Variants in RBFOX1 observed in about 807,000 individuals in gnomAD.
The protein encoded by RBFOX1 is RNA binding protein fox-1 homolog 1.
A neutral mutation model predicts 57.7 loss-of-function variants in RBFOX1; 8 were observed. The observed-to-expected ratio is 0.14, with a 90% CI of 0.08 to 0.25. The LOEUF is 0.25. Ranked by LOEUF, RBFOX1 falls within the 10% of genes least tolerant of loss-of-function variation. The pLI, the probability that RBFOX1 is intolerant of heterozygous loss-of-function variation, is 1.00. For missense variants in RBFOX1, 611 were observed against 548.5 expected (o/e 1.11, Z -1.14); for synonymous variants, 326 against 222.4 (o/e 1.47, Z -4.15).
chr16:6,467,334 G>T (rs1197298814), intron 2 of RBFOX1, among the ~76,000 whole-genome samples: 6 of 151,862 alleles, frequency 4.0e-5, no homozygotes, highest in Non-Finnish European at 8.8e-5. Flanking sequence ...TACATACAGT[G>T]TTGTAACAAC....
chr16:6,995,760 T>TA (rs1281759985), intron 3 of RBFOX1, among the ~76,000 whole-genome samples: 1 of 151,818 alleles, frequency 6.6e-6, no homozygotes, highest in Non-Finnish European at 1.5e-5. Context: ...GACTCCATCT[T>TA]AAAAAAATAA....
At chr16:6,538,162 T>C (rs1224414136) in intron 2 of RBFOX1, among the ~76,000 whole-genome samples, 1 of 152,116 alleles carries the variant, frequency 6.6e-6, no homozygotes, top group African/African-American at 2.4e-5. Context: ...CCAATAAGCA[T>C]GTGGAAATAT....
intron 1 of RBFOX1, among the ~76,000 whole-genome samples, chr16:5,447,389 T>TCTCC (rs2068279810): frequency 6.6e-6 from 1 of 151,198 alleles, no homozygotes; most frequent in African/African-American, 2.4e-5. Context: ...TCTCTCTCTC[T>TCTCC]CTCTCTCTCT....
At chr16:5,748,040 C>T (rs1179080722) in intron 3 of RBFOX1, among the ~76,000 whole-genome samples, 2 of 152,188 alleles carry the variant, frequency 1.3e-5, no homozygotes, top group East Asian at 3.8e-4. Flanking sequence ...CTACACACTG[C>T]TTTAAATGTG....
chr16:6,094,780 G>A (rs1280075833), intron 1 of RBFOX1, among the ~76,000 whole-genome samples: 3 of 152,142 alleles, frequency 2.0e-5, no homozygotes, highest in African/African-American at 7.2e-5. Context: ...ACCTATAGGA[G>A]GGGCTGGCCA....
At chr16:7,105,807 T>A (rs1389913307) in intron 4 of RBFOX1, among the ~76,000 whole-genome samples, 1 of 151,910 alleles carries the variant, frequency 6.6e-6, no homozygotes, top group Non-Finnish European at 1.5e-5. Context: ...GATAGAGATA[T>A]CACAGGTTCT....
intron 2 of RBFOX1, among the ~76,000 whole-genome samples, chr16:6,544,863 G>A (rs997959265): frequency 2.0e-5 from 3 of 152,144 alleles, no homozygotes; most frequent in African/African-American, 7.2e-5. Flanking sequence ...GATCCAAGTT[G>A]GAATCCGTTA....
chr16:6,497,556 G>GTTTT (rs112257418), intron 2 of RBFOX1, among the ~76,000 whole-genome samples: 11 of 64,652 alleles, frequency 1.7e-4, no homozygotes, highest in Admixed American at 4.4e-4. Flanking sequence ...GATTTTTGAA[G>GTTTT]TTTTTAAAAA....
intron 3 of RBFOX1, among the ~76,000 whole-genome samples, chr16:7,023,590 A>AAAAAG (rs2039979091): frequency 6.7e-6 from 1 of 150,338 alleles, no homozygotes; most frequent in African/African-American, 2.5e-5. Context: ...AAAAAAAAAA[A>AAAAAG]AAAATTAGCT....
intron 5 of RBFOX1, among the ~76,000 whole-genome samples, chr16:7,573,340 G>C (rs939354511): frequency 1.3e-5 from 2 of 152,156 alleles, no homozygotes; most frequent in African/African-American, 4.8e-5. Context: ...TATAGACCTA[G>C]AGAGCCAATG....
intron 3 of RBFOX1, among the ~76,000 whole-genome samples, chr16:6,914,356 T>G (rs1411844907): frequency 2.0e-5 from 3 of 151,998 alleles, no homozygotes; most frequent in African/African-American, 7.3e-5. Context: ...AATTACAGGG[T>G]CGGCTGATAA....
At chr16:5,900,131 A>G (rs537312327) in intron 4 of RBFOX1, among the ~76,000 whole-genome samples, 2 of 152,304 alleles carry the variant, frequency 1.3e-5, no homozygotes, top group South Asian at 4.1e-4. Context: ...GTCTATGCTT[A>G]TATTGTACCT....
intron 1 of RBFOX1, among the ~76,000 whole-genome samples, chr16:6,224,044 C>T (rs544842248): frequency 9.2e-5 from 14 of 152,026 alleles, no homozygotes; most frequent in African/African-American, 7.2e-5. Context: ...GGGCTCTGTT[C>T]TGTTCCATTG....
intron 1 of RBFOX1, among the ~76,000 whole-genome samples, chr16:6,240,313 G>A (rs554045102): frequency 2.0e-5 from 3 of 152,026 alleles, no homozygotes; most frequent in Non-Finnish European, 4.4e-5. Flanking sequence ...TCCTATATGG[G>A]GACTAATTGT....
At chr16:7,568,995 C>T (rs569026866) in intron 5 of RBFOX1, among the ~76,000 whole-genome samples, 2 of 150,302 alleles carry the variant, frequency 1.3e-5, no homozygotes, top group South Asian at 2.2e-4. Context: ...TGCTTTCATT[C>T]TCCTGCCTCT....
intron 4 of RBFOX1, among the ~76,000 whole-genome samples, chr16:7,240,345 A>T (rs1300717023): frequency 6.6e-6 from 1 of 152,184 alleles, no homozygotes; most frequent in East Asian, 1.9e-4. Flanking sequence ...AGTACTTTAC[A>T]TATATTAATG....
Position 6,531,182 on chromosome 16 carries a change from G to A in RBFOX1, c.-63-123421G>A, listed in dbSNP as rs541012326. ...CTTCCCTTATTCCCACTCTGCCCCCGGTTTTTCCCAAATTCTATTTTTCTC... is the reference window on the plus strand; with the variant it reads ...CTTCCCTTATTCCCACTCTGCCCCCAGTTTTTCCCAAATTCTATTTTTCTC... On this transcript the variant is annotated intron_variant, in intron 2 of 15. Coordinates refer to ENST00000550418, the MANE Select transcript of RBFOX1 (RefSeq NM_018723.4). Among the ~76,000 whole-genome samples, 116 of 152,218 alleles carry A rather than the reference G, an allele frequency of 7.6e-4. No homozygotes were observed. In the South Asian group the frequency reaches 0.017, roughly 23 times the overall value.
intron 2 of RBFOX1, among the ~76,000 whole-genome samples, chr16:5,588,857 C>T (rs1368302474): frequency 6.6e-6 from 1 of 152,100 alleles, no homozygotes; most frequent in Non-Finnish European, 1.5e-5. Flanking sequence ...CAGGATTTTG[C>T]AGGTGGAGGT....
intron 4 of RBFOX1, among the ~76,000 whole-genome samples, chr16:7,158,406 G>A (rs2077582150): frequency 1.3e-5 from 2 of 152,202 alleles, no homozygotes; most frequent in African/African-American, 4.8e-5. Flanking sequence ...TCTTACTGAT[G>A]TAGAAAGATA....
Sources: gnomAD v4.1 joint callset for allele counts (sites outside exome capture counted in the v4.1 genomes callset) on GRCh38, gnomAD v4.1.1 for gene constraint, MANE v1.5 for transcripts, NCBI Gene and HGNC (gene_info 2026-07-23, HGNC 2026-07-21) for gene names.